ACSL1: variants seen among roughly 807,000 people sequenced by gnomAD.
ACSL1 encodes the protein acyl-CoA synthetase long chain family member 1.
In ACSL1, 41 loss-of-function variants were observed where a neutral mutation model predicts 98.4. That is an observed-to-expected ratio of 0.42 (90% CI 0.32 to 0.54). The LOEUF (loss-of-function observed/expected upper bound fraction) is 0.54. Ranked by LOEUF, ACSL1 falls within the 20% of genes least tolerant of loss-of-function variation. ACSL1 has a pLI of 0.13. For synonymous variants in ACSL1, 316 were observed against 322.7 expected (o/e 0.98, Z 0.22); for missense variants, 734 against 883.1 (o/e 0.83, Z 2.14).
intron 3 of ACSL1, among the ~76,000 whole-genome samples, chr4:184,786,882 C>A (rs577246359): frequency 6.6e-6 from 1 of 152,074 alleles, no homozygotes; most frequent in Admixed American, 6.5e-5. Context: ...TTAGTAGAGA[C>A]GGAGTTTCAC....
chr4:184,759,403 C>T (rs1762568333), intron 18 of ACSL1, among the ~76,000 whole-genome samples: 1 of 152,122 alleles, frequency 6.6e-6, no homozygotes, highest in African/African-American at 2.4e-5. Flanking sequence ...AACAGGCAAC[C>T]TACAGAACGG....
chr4:184,814,358 C>G (rs1028978300), intron 1 of ACSL1, among the ~76,000 whole-genome samples: 1 of 144,064 alleles, frequency 6.9e-6, no homozygotes, highest in Non-Finnish European at 1.5e-5. Context: ...CCATCATGAA[C>G]ATCATGGTAG....
In ACSL1 at chr4:184,762,452, G is replaced by T. The variant is rs758426482; in HGVS notation, c.1593C>A (p.Asp531Glu). 2.5e-6 allele frequency: 4 copies of T among 1,614,242 alleles called. No individual in the cohort carries two copies. Among genetic ancestry groups the T allele is most frequent in the Middle Eastern group, 1.6e-4 (1 of 6,062 alleles). ...CCCCTGTGTGTAACCAGCCGTCTTTGTCCAAAGCTTCTGCTGTTTTCGCTG... is the reference window on the plus strand; with the variant it reads ...CCCCTGTGTGTAACCAGCCGTCTTTTTCCAAAGCTTCTGCTGTTTTCGCTG... The part of the protein sequence containing the change: ...KDPAKTAEAL[D>E]KDGWLHTGDI... Residue 531 changes from aspartate to glutamate, a missense_variant, in exon 17 of 21, where the codon GAC (aspartate) becomes GAA (glutamate). Physicochemically the swap from Asp to Glu is conservative, Grantham distance 45. Coordinates refer to ENST00000281455, the MANE Select transcript of ACSL1 (RefSeq NM_001995.5).
intron 15 of ACSL1, among the ~76,000 whole-genome samples, chr4:184,763,646 AG>A (rs1160116171): frequency 1.3e-5 from 2 of 152,202 alleles, no homozygotes; most frequent in African/African-American, 4.8e-5. Context: ...GTAAGAAGAG[AG>A]AACATATGCA....
intron 12 of ACSL1, 111 bp downstream of exon 12, chr4:184,768,204 TG>T: frequency 8.7e-7 from 1 of 1,147,966 alleles, no homozygotes. Context: ...TCTGTAAGAT[TG>T]GGAGGATTGT....
chr4:184,758,029 T>C, intron 18 of ACSL1, 109 bp from the exon 19 acceptor site: 2 of 1,079,108 alleles, frequency 1.9e-6, no homozygotes, highest in Non-Finnish European at 2.7e-6. Flanking sequence ...ATGAAAGTTA[T>C]GGCTCATCTA....
At chr4:184,783,230 G>A (rs1043493818) in intron 4 of ACSL1, among the ~76,000 whole-genome samples, 4 of 152,320 alleles carry the variant, frequency 2.6e-5, no homozygotes, top group Admixed American at 1.3e-4. Flanking sequence ...TGCCACTCAT[G>A]AGCCGCTGTT....
chr4:184,795,580 T>C (rs945191598), intron 2 of ACSL1, among the ~76,000 whole-genome samples: 1 of 152,226 alleles, frequency 6.6e-6, no homozygotes, highest in Admixed American at 6.5e-5. Flanking sequence ...TCCTGTGGCC[T>C]GGTCTTGGCA....
intron 1 of ACSL1, chr4:184,813,584 T>C (rs934981337): frequency 2.4e-5 from 6 of 249,150 alleles, no homozygotes; most frequent in African/African-American, 1.1e-4. Context: ...TGACCGCAAG[T>C]TGAAGAACAT....
chr4:184,791,129 C>A (rs1218918082), intron 2 of ACSL1, among the ~76,000 whole-genome samples: 1 of 152,200 alleles, frequency 6.6e-6, no homozygotes, highest in Non-Finnish European at 1.5e-5. Flanking sequence ...TACAAAGGTG[C>A]CTTCTATACC....
intron 1 of ACSL1, among the ~76,000 whole-genome samples, chr4:184,814,798 A>T (rs1772473256): frequency 6.6e-6 from 1 of 152,120 alleles, no homozygotes; most frequent in Non-Finnish European, 1.5e-5. Context: ...CCTGGAAAAT[A>T]TGTAGCTATG....
At chr4:184,808,262 G>T in intron 1 of ACSL1, 1 of 927,848 alleles carries the variant, frequency 1.1e-6, no homozygotes, top group Non-Finnish European at 1.3e-6. Flanking sequence ...CACACACACT[G>T]CCCCTGCAAC....
chr4:184,780,327 C>A lies in ACSL1; in HGVS notation c.477+5G>T. ...CATGCATAGCAAGTACCTACTGGTTCATACCTCAGGTCTATTTTGAGCAAA... is the reference window on the plus strand; with the variant it reads ...CATGCATAGCAAGTACCTACTGGTTAATACCTCAGGTCTATTTTGAGCAAA... On this transcript the variant is annotated splice_donor_5th_base_variant and intron_variant, in intron 5 of 20. Transcript: ENST00000281455. The A allele has an allele frequency of 6.2e-7, 1 of 1,611,780 alleles. No individual in the cohort carries two copies. Among genetic ancestry groups the A allele is most frequent in the South Asian group, 1.1e-5 (1 of 90,846 alleles).
chr4:184,773,767 T>G lies in ACSL1; in HGVS notation c.790-53A>C. The G allele has an allele frequency of 6.2e-7, 1 of 1,608,024 alleles. No homozygotes were observed. Among genetic ancestry groups the G allele is most frequent in the South Asian group, 1.1e-5 (1 of 90,056 alleles). On this transcript the variant is annotated intron_variant, in intron 8 of 20. Transcript: ENST00000281455. This position sits in a 1 kb window ranked among gnomAD's most constrained non-coding sequence, Gnocchi z 4.3. The stretch of plus-strand genomic sequence containing the variant: ...TATAAATCAGAACAGAAAAGAGAAC[T>G]ATAAGCCACAAGGTACCAGGCTAGA...
At position 184,776,872 on chromosome 4, in the gene ACSL1, T is replaced by G. The variant is rs1293837714; in HGVS notation, c.577+12A>C. 4 of 1,613,064 alleles carry G rather than the reference T, an allele frequency of 2.5e-6. No homozygotes were observed. The highest frequency in any genetic ancestry group is 3.4e-6 in the Non-Finnish European group (4 of 1,179,112). ...ACTATGCCAATAATCCAGGCAAAGA[T>G]CACAGACGTACCTTTGTTGACTATG... On this transcript the variant is annotated intron_variant, in intron 6 of 20. Coordinates refer to ENST00000281455, the MANE Select transcript of ACSL1 (RefSeq NM_001995.5).
chr4:184,780,459 A>G lies in ACSL1; in HGVS notation c.376-26T>C, dbSNP rs765653121. 1.0e-5 allele frequency: 16 copies of G among 1,583,792 alleles called. No homozygotes were observed. In the East Asian group the frequency reaches 2.2e-4, roughly 22 times the overall value. ...CTAAAATGGAGAGGAAAAAGTCAGAAGCAGCATTGGGCCCCAACTCCAGAA... is the reference window on the plus strand; with the variant it reads ...CTAAAATGGAGAGGAAAAAGTCAGAGGCAGCATTGGGCCCCAACTCCAGAA... On this transcript the variant is annotated intron_variant, in intron 4 of 20. Coordinates refer to ENST00000281455, the MANE Select transcript of ACSL1 (RefSeq NM_001995.5).
At position 184,825,511 on chromosome 4, in the gene ACSL1, G is replaced by A. The variant is rs2150512689; in HGVS notation, c.-33+405C>T. Among the ~76,000 whole-genome samples the A allele has an allele frequency of 6.6e-6, 1 of 151,926 alleles. No individual in the cohort carries two copies. Among genetic ancestry groups the A allele is most frequent in the Non-Finnish European group, 1.5e-5 (1 of 67,904 alleles). ...CCCGGCCTCTGGGCAGGCGGGGGCC[G>A]CGGACGAGGGCAACGTCAGCGGCCC... On this transcript the variant is annotated intron_variant, in intron 1 of 20. Coordinates refer to ENST00000281455, the MANE Select transcript of ACSL1 (RefSeq NM_001995.5). The surrounding 1 kb of genome is among the most constrained non-coding windows in gnomAD (Gnocchi z 4.7).
chr4:184,764,829 A>G (rs771947260), intron 15 of ACSL1, 24 bp downstream of exon 15: 1 of 1,598,690 alleles, frequency 6.3e-7, no homozygotes. Flanking sequence ...CAAAATTCCA[A>G]AAAGGAGCCT....
intron 11 of ACSL1, among the ~76,000 whole-genome samples, chr4:184,768,961 C>CAGGA (rs1351628893): frequency 1.3e-5 from 2 of 151,972 alleles, no homozygotes; most frequent in African/African-American, 4.8e-5. Flanking sequence ...CCCAGCGACT[C>CAGGA]AGGAGGCTGA....
Sources: gnomAD v4.1 joint callset for allele counts (sites outside exome capture counted in the v4.1 genomes callset) on GRCh38, gnomAD v4.1.1 for gene constraint, Gnocchi (gnomAD v3.1) non-coding constraint, MANE v1.5 for transcripts, NCBI Gene and HGNC (gene_info 2026-07-23, HGNC 2026-07-21) for gene names.